The following PLCXD3 variants were observed in gnomAD, a reference collection of about 807,000 sequenced individuals.
PLCXD3 encodes PI-PLC X domain-containing protein 3.
PLCXD3 carries 19 observed loss-of-function variants against 25.5 expected under a neutral mutation model. The ratio of observed to expected loss-of-function variants is 0.75; its 90% CI spans 0.52 to 1.09. The LOEUF is 1.09. Ranked by LOEUF, PLCXD3 falls within the 50% of genes least tolerant of loss-of-function variation. The probability of loss-of-function intolerance (pLI) is 0.00; values close to 1 mark genes in which losing one functional copy is unlikely to be tolerated. For synonymous variants in PLCXD3, 174 were observed against 137.6 expected, an observed-to-expected ratio of 1.26 and a Z score of -1.85; for missense variants, 411 against 388.1, an observed-to-expected ratio of 1.06 and a Z score of -0.50.
intron 2 of PLCXD3, among the ~76,000 whole-genome samples, chr5:41,363,026 T>C (rs192837268): frequency 6.6e-6 from 1 of 152,340 alleles, no homozygotes; most frequent in Non-Finnish European, 1.5e-5. Flanking sequence ...GAAACTGTCA[T>C]TGTTACCACA....
At chr5:41,427,402 C>A (rs1170655040) in intron 1 of PLCXD3, among the ~76,000 whole-genome samples, 3 of 120,920 alleles carry the variant, frequency 2.5e-5, no homozygotes, top group Non-Finnish European at 5.5e-5. Flanking sequence ...TCAGTGAAGA[C>A]TTGCATATAT....
At chr5:41,471,521 C>T (rs1459706425) in intron 1 of PLCXD3, among the ~76,000 whole-genome samples, 1 of 152,156 alleles carries the variant, frequency 6.6e-6, no homozygotes, top group African/African-American at 2.4e-5. Flanking sequence ...AACTTGATTT[C>T]TGGCAAGTCT....
intron 2 of PLCXD3, among the ~76,000 whole-genome samples, chr5:41,318,079 G>T (rs1580295088): frequency 6.6e-6 from 1 of 152,162 alleles, no homozygotes; most frequent in East Asian, 1.9e-4. Flanking sequence ...CCCTAGAGTG[G>T]GATGTCTGGC....
intron 1 of PLCXD3, among the ~76,000 whole-genome samples, chr5:41,489,713 A>G (rs1748610413): frequency 1.3e-5 from 2 of 152,076 alleles, no homozygotes; most frequent in Admixed American, 6.6e-5. Context: ...ATGGGAGTTC[A>G]CTCATGATTT....
chr5:41,392,232 TG>T (rs746125187), intron 1 of PLCXD3, among the ~76,000 whole-genome samples: 26 of 152,152 alleles, frequency 1.7e-4, no homozygotes, highest in Non-Finnish European at 3.8e-4. Context: ...TTACAGCCAG[TG>T]CTTTTCTGAC....
At chr5:41,490,699 T>G (rs1580399706) in intron 1 of PLCXD3, among the ~76,000 whole-genome samples, 1 of 152,236 alleles carries the variant, frequency 6.6e-6, no homozygotes. Context: ...CCATTTCTTC[T>G]AGATTTTCTA....
chr5:41,477,575 G>A (rs1030270795), intron 1 of PLCXD3, among the ~76,000 whole-genome samples: 3 of 151,982 alleles, frequency 2.0e-5, no homozygotes, highest in Admixed American at 6.6e-5. Context: ...CTGGTACCCA[G>A]GATCAAGATG....
intron 1 of PLCXD3, among the ~76,000 whole-genome samples, chr5:41,481,267 A>G (rs1335248702): frequency 6.6e-6 from 1 of 152,232 alleles, no homozygotes; most frequent in Non-Finnish European, 1.5e-5. Context: ...CAGAGTTGTT[A>G]TAAGTATTAG....
chr5:41,313,623 G>A lies in PLCXD3; in HGVS notation c.960C>T (p.Asn320=). The A allele has an allele frequency of 1.2e-6, 2 of 1,613,792 alleles. No homozygotes were observed. Among genetic ancestry groups the A allele is most frequent in the South Asian group, 1.1e-5 (1 of 91,080 alleles). ...GAAACTCCAAGTAGTGCTATCAAGT[G>A]TTGGCTTCTCCTTCATCAAAGACAT... The part of the protein sequence containing the change: ...LNYVFDEGEA[N]T The change falls in exon 3 of 3, where the codon AAC becomes AAT. Residue 320 remains asparagine (N), a synonymous_variant. Transcript: ENST00000377801.
chr5:41,384,635 A>C (rs1054706159), intron 1 of PLCXD3, among the ~76,000 whole-genome samples: 1 of 152,084 alleles, frequency 6.6e-6, no homozygotes, highest in African/African-American at 2.4e-5. Context: ...TCTGTTTTCA[A>C]TATGGCTTTA....
intron 2 of PLCXD3, among the ~76,000 whole-genome samples, chr5:41,361,393 T>C (rs1164511458): frequency 1.3e-5 from 2 of 152,238 alleles, no homozygotes; most frequent in Non-Finnish European, 2.9e-5. Context: ...CCTGCAGTAG[T>C]GATCCAGTTT....
intron 1 of PLCXD3, among the ~76,000 whole-genome samples, chr5:41,498,398 C>CA (rs77806997): frequency 0.057 from 8,654 of 151,232 alleles, 278 homozygotes; most frequent in South Asian, 0.15. Context: ...AATTATATAC[C>CA]AAAAAAATGG....
intron 2 of PLCXD3, among the ~76,000 whole-genome samples, chr5:41,326,346 A>C (rs1009048249): frequency 2.0e-5 from 3 of 152,086 alleles, no homozygotes; most frequent in Non-Finnish European, 4.4e-5. Context: ...CACAGTCAGG[A>C]CAATGTTTCT....
chr5:41,376,751 T>C (rs1434899508), intron 2 of PLCXD3, among the ~76,000 whole-genome samples: 1 of 152,112 alleles, frequency 6.6e-6, no homozygotes, highest in Non-Finnish European at 1.5e-5. Flanking sequence ...TGTATTTAGG[T>C]ATTGCATGTT....
chr5:41,368,086 C>T (rs1007231074), intron 2 of PLCXD3, among the ~76,000 whole-genome samples: 2 of 152,124 alleles, frequency 1.3e-5, no homozygotes, highest in Non-Finnish European at 2.9e-5. Context: ...TTCTTTATAT[C>T]CATGAGCATG....
intron 1 of PLCXD3, among the ~76,000 whole-genome samples, chr5:41,469,498 CTT>C (rs35338656): frequency 6.8e-6 from 1 of 146,480 alleles, no homozygotes; most frequent in African/African-American, 2.5e-5. Flanking sequence ...TTGTGAGCTG[CTT>C]TTTTTTTTTC....
chr5:41,419,022 C>T (rs1746756130), intron 1 of PLCXD3, among the ~76,000 whole-genome samples: 1 of 152,030 alleles, frequency 6.6e-6, no homozygotes. Flanking sequence ...CCACAGCCCT[C>T]GATTGTAGAC....
intron 2 of PLCXD3, among the ~76,000 whole-genome samples, chr5:41,359,139 C>A (rs1181861747): frequency 6.6e-6 from 1 of 151,994 alleles, no homozygotes; most frequent in Non-Finnish European, 1.5e-5. Context: ...TTGAGGATTT[C>A]CGCATCTATG....
chr5:41,352,389 C>A (rs1446019007), intron 2 of PLCXD3, among the ~76,000 whole-genome samples: 1 of 152,150 alleles, frequency 6.6e-6, no homozygotes, highest in African/African-American at 2.4e-5. Context: ...ATTCTCAGAT[C>A]AAAAATCACT....
Sources: gnomAD v4.1 joint callset for allele counts (sites outside exome capture counted in the v4.1 genomes callset) on GRCh38, gnomAD v4.1.1 for gene constraint, MANE v1.5 for transcripts, NCBI Gene and HGNC (gene_info 2026-07-23, HGNC 2026-07-21) for gene names.